IMMP2L: variants seen among roughly 807,000 people sequenced by gnomAD.
IMMP2L encodes the protein inner mitochondrial membrane peptidase subunit 2.
Under a neutral mutation model 19.3 loss-of-function variants are expected in IMMP2L, and 18 were observed. The observed-to-expected ratio is 0.93, with a 90% CI of 0.64 to 1.38. IMMP2L has a LOEUF of 1.38. IMMP2L is among the 40% of genes most tolerant of loss of function. The probability of loss-of-function intolerance (pLI) is 0.00; values close to 1 mark genes in which losing one functional copy is unlikely to be tolerated. For synonymous variants in IMMP2L, 76 were observed against 73.0 expected, an observed-to-expected ratio of 1.04 and a Z score of -0.21; for missense variants, 233 against 218.2, an observed-to-expected ratio of 1.07 and a Z score of -0.43.
intron 3 of IMMP2L, among the ~76,000 whole-genome samples, chr7:111,310,678 G>C (rs1013359017): frequency 6.6e-6 from 1 of 152,026 alleles, no homozygotes; most frequent in African/African-American, 2.4e-5. Context: ...CATTATGACA[G>C]AGCAGATTTT....
intron 1 of IMMP2L, among the ~76,000 whole-genome samples, chr7:111,558,577 G>A (rs1056146730): frequency 5.9e-5 from 9 of 152,146 alleles, no homozygotes; most frequent in African/African-American, 1.9e-4. Flanking sequence ...GAAAACCTAA[G>A]AATGACAACC....
intron 3 of IMMP2L, among the ~76,000 whole-genome samples, chr7:111,025,571 A>G (rs1326090845): frequency 2.0e-5 from 3 of 152,174 alleles, no homozygotes; most frequent in Admixed American, 1.3e-4. Context: ...GAAGCCCCTG[A>G]AAATAAAAAA....
At chr7:111,166,418 C>G (rs1314362282) in intron 3 of IMMP2L, among the ~76,000 whole-genome samples, 1 of 151,968 alleles carries the variant, frequency 6.6e-6, no homozygotes, top group Non-Finnish European at 1.5e-5. Context: ...CTCTCCTATC[C>G]TTTTAAATAA....
At chr7:111,042,996 T>C (rs1468442766) in intron 3 of IMMP2L, among the ~76,000 whole-genome samples, 1 of 152,144 alleles carries the variant, frequency 6.6e-6, no homozygotes, top group African/African-American at 2.4e-5. Context: ...CAAAAGTGGA[T>C]GGGGCAAAAG....
chr7:111,364,542 C>A (rs1375872611), intron 3 of IMMP2L, among the ~76,000 whole-genome samples: 3 of 147,728 alleles, frequency 2.0e-5, no homozygotes, highest in Non-Finnish European at 4.4e-5. Flanking sequence ...GGCTGAGACA[C>A]AAGAATCACC....
intron 3 of IMMP2L, among the ~76,000 whole-genome samples, chr7:111,356,888 G>A (rs910842369): frequency 6.6e-6 from 1 of 152,010 alleles, no homozygotes; most frequent in Non-Finnish European, 1.5e-5. Context: ...TTAGCCAGGC[G>A]TTGTGGTGGG....
chr7:111,108,431 G>A (rs1798793256), intron 3 of IMMP2L, among the ~76,000 whole-genome samples: 1 of 151,990 alleles, frequency 6.6e-6, no homozygotes, highest in East Asian at 1.9e-4. Flanking sequence ...AAACTAATCT[G>A]TATATATTAT....
intron 1 of IMMP2L, among the ~76,000 whole-genome samples, chr7:111,559,673 G>A (rs1791791958): frequency 6.6e-6 from 1 of 152,152 alleles, no homozygotes; most frequent in Non-Finnish European, 1.5e-5. Flanking sequence ...TCAAAAGGAA[G>A]ATCATAGGAA....
intron 3 of IMMP2L, among the ~76,000 whole-genome samples, chr7:111,274,121 A>G (rs1233278840): frequency 1.3e-5 from 2 of 152,022 alleles, no homozygotes; most frequent in Non-Finnish European, 2.9e-5. Flanking sequence ...TCCCAGGGGG[A>G]AAAAATCAAT....
At chr7:111,275,229 A>C (rs1380896438) in intron 3 of IMMP2L, among the ~76,000 whole-genome samples, 1 of 152,140 alleles carries the variant, frequency 6.6e-6, no homozygotes, top group Non-Finnish European at 1.5e-5. Flanking sequence ...TAAGAGGTGG[A>C]GGGACGCTAA....
At chr7:111,235,355 C>T (rs1814173263) in intron 3 of IMMP2L, among the ~76,000 whole-genome samples, 2 of 151,906 alleles carry the variant, frequency 1.3e-5, no homozygotes. Context: ...CCTGTAATCC[C>T]CGCTACTCGG....
In IMMP2L at chr7:111,461,545, GCTTTTTTAACTC is replaced by G. The variant is rs550321530; in HGVS notation, c.239+25681_239+25692del. Reference sequence around the variant, plus strand: ...ATATAGCTTAAGGTTTATAGTGAAGGCTTTTTTAACTCCTCTTTTCTTTGAAGTCTTTGTTTG... The same window carrying G: ...ATATAGCTTAAGGTTTATAGTGAAGGCTCTTTTCTTTGAAGTCTTTGTTTG... On this transcript the variant is annotated intron_variant, in intron 3 of 5. Transcript: ENST00000405709. Among the ~76,000 whole-genome samples the G allele has an allele frequency of 8.5e-4, 129 of 152,030 alleles. No homozygotes were observed. The East Asian group carries it at 0.021, about 24-fold the overall frequency.
At chr7:111,210,255 T>C (rs1391236712) in intron 3 of IMMP2L, among the ~76,000 whole-genome samples, 1 of 152,206 alleles carries the variant, frequency 6.6e-6, no homozygotes, top group Non-Finnish European at 1.5e-5. Flanking sequence ...TTAGTTGGCA[T>C]ATTTGTCTTA....
At chr7:111,189,394 C>T (rs1808627885) in intron 3 of IMMP2L, among the ~76,000 whole-genome samples, 2 of 147,556 alleles carry the variant, frequency 1.4e-5, no homozygotes, top group Non-Finnish European at 3.0e-5. Context: ...AAAAATACTA[C>T]AAGGGCCTGC....
chr7:111,007,355 CT>C (rs1824401296), intron 3 of IMMP2L, among the ~76,000 whole-genome samples: 1 of 152,098 alleles, frequency 6.6e-6, no homozygotes, highest in African/African-American at 2.4e-5. Context: ...AACTATTCCA[CT>C]TTGGTTTTTG....
At chr7:111,097,585 A>G (rs1157610010) in intron 3 of IMMP2L, among the ~76,000 whole-genome samples, 1 of 148,890 alleles carries the variant, frequency 6.7e-6, no homozygotes, top group Non-Finnish European at 1.5e-5. Context: ...TTTCTTAAGG[A>G]AAAAAAACAA....
chr7:111,521,244 ACT>A (rs2132671906), intron 2 of IMMP2L, 67 bp downstream of exon 2: 2 of 1,448,916 alleles, frequency 1.4e-6, no homozygotes, highest in Admixed American at 4.2e-5. Context: ...AATAATTAGC[ACT>A]CTCATTTCTA....
chr7:110,706,749 T>G (rs530277158), intron 5 of IMMP2L, among the ~76,000 whole-genome samples: 2 of 152,280 alleles, frequency 1.3e-5, no homozygotes, highest in South Asian at 4.1e-4. Context: ...ATATTAGATC[T>G]TTGTCAGGTG....
At chr7:111,103,521 C>T (rs774978998) in intron 3 of IMMP2L, among the ~76,000 whole-genome samples, 22 of 151,474 alleles carry the variant, frequency 1.5e-4, no homozygotes, top group Non-Finnish European at 2.4e-4. Flanking sequence ...AGAAAAATAT[C>T]GATTAGGCAA....
Sources: gnomAD v4.1 joint callset for allele counts (sites outside exome capture counted in the v4.1 genomes callset) on GRCh38, gnomAD v4.1.1 for gene constraint, MANE v1.5 for transcripts, NCBI Gene and HGNC (gene_info 2026-07-23, HGNC 2026-07-21) for gene names.